The following KIAA1217 variants were observed in gnomAD, a reference collection of about 807,000 sequenced individuals.
KIAA1217 encodes the protein KIAA1217, also known as sickle tail protein homolog.
KIAA1217 carries 88 observed loss-of-function variants against 163.9 expected under a neutral mutation model. That is an observed-to-expected ratio of 0.54 (90% CI 0.45 to 0.64). The LOEUF is 0.64. Among genes scored for constraint, KIAA1217 ranks in the 30% least tolerant of loss-of-function variants. The pLI is 0.00. For missense variants in KIAA1217, 2,372 were observed against 2,475.0 expected, an observed-to-expected ratio of 0.96 and a Z score of 0.88; for synonymous variants, 903 against 923.1, an observed-to-expected ratio of 0.98 and a Z score of 0.39.
chr10:24,520,627 C>CAAAA (rs71472812), intron 11 of KIAA1217, among the ~76,000 whole-genome samples: 8 of 44,942 alleles, frequency 1.8e-4, no homozygotes, highest in Admixed American at 8.1e-4. Context: ...ACATCTCTAC[C>CAAAA]AAAAAAAAAA....
intron 1 of KIAA1217, among the ~76,000 whole-genome samples, chr10:23,988,254 G>T (rs1846067615): frequency 6.6e-6 from 1 of 152,202 alleles, no homozygotes; most frequent in Non-Finnish European, 1.5e-5. Flanking sequence ...AAGCCAGATT[G>T]TTGCTCCGCG....
chr10:23,910,816 A>G (rs7476022), intron 1 of KIAA1217, among the ~76,000 whole-genome samples: 5,096 of 152,190 alleles, frequency 0.033, 112 homozygotes, highest in Middle Eastern at 0.12. Flanking sequence ...GGGAAATCAA[A>G]CCCCAGGGTC....
chr10:24,244,265 GGGGA>G (rs2073482274), intron 2 of KIAA1217, among the ~76,000 whole-genome samples: 1 of 152,172 alleles, frequency 6.6e-6, no homozygotes. Context: ...GCTGGCTACC[GGGGA>G]GGTAGAGAGC....
chr10:24,500,131 G>C (rs1346032876), intron 8 of KIAA1217, among the ~76,000 whole-genome samples: 1 of 151,974 alleles, frequency 6.6e-6, no homozygotes, highest in East Asian at 1.9e-4. Context: ...GCTCTGTCCT[G>C]CAAGGCCAGC....
At chr10:24,309,628 C>T (rs2042452114) in intron 2 of KIAA1217, among the ~76,000 whole-genome samples, 1 of 152,158 alleles carries the variant, frequency 6.6e-6, no homozygotes, top group Non-Finnish European at 1.5e-5. Context: ...AGTCTTGAGT[C>T]CAGCTGACCT....
intron 1 of KIAA1217, among the ~76,000 whole-genome samples, chr10:23,819,137 T>C (rs1358789961): frequency 6.6e-6 from 1 of 152,246 alleles, no homozygotes; most frequent in African/African-American, 2.4e-5. Context: ...AGGGTGCTGA[T>C]GGCACCTCAT....
chr10:24,099,292 G>A (rs1343989427), intron 2 of KIAA1217, among the ~76,000 whole-genome samples: 5 of 149,522 alleles, frequency 3.3e-5, no homozygotes, highest in Admixed American at 6.7e-5. Context: ...CCATTAACTC[G>A]TCATTTACAT....
chr10:23,818,880 G>C (rs1837488212), intron 1 of KIAA1217, among the ~76,000 whole-genome samples: 1 of 152,126 alleles, frequency 6.6e-6, no homozygotes, highest in Non-Finnish European at 1.5e-5. Context: ...ATAGCCCTGA[G>C]ATTATTTTGC....
At chr10:24,146,550 G>GC (rs1283911151) in intron 2 of KIAA1217, among the ~76,000 whole-genome samples, 1 of 152,122 alleles carries the variant, frequency 6.6e-6, no homozygotes, top group Non-Finnish European at 1.5e-5. Context: ...GCCAGGTATG[G>GC]TGGAACACGC....
intron 2 of KIAA1217, among the ~76,000 whole-genome samples, chr10:24,245,725 G>A (rs1218409234): frequency 1.3e-5 from 2 of 152,048 alleles, no homozygotes; most frequent in Admixed American, 6.6e-5. Context: ...TCAACCTCCC[G>A]GGCTCAAGCA....
intron 9 of KIAA1217, among the ~76,000 whole-genome samples, chr10:24,511,234 T>G (rs1022204172): frequency 6.9e-6 from 1 of 144,186 alleles, no homozygotes; most frequent in Non-Finnish European, 1.5e-5. Context: ...GCCAGGTGCA[T>G]GGAGGGAGGG....
intron 1 of KIAA1217, among the ~76,000 whole-genome samples, chr10:23,887,515 C>T (rs11013769): frequency 0.22 from 33,016 of 151,736 alleles, 3,858 homozygotes; most frequent in Middle Eastern, 0.32. Flanking sequence ...TTCACAGTAA[C>T]ATAAGAAAAA....
chr10:23,699,264 G>A (rs1836258644), intron 1 of KIAA1217, among the ~76,000 whole-genome samples: 1 of 152,206 alleles, frequency 6.6e-6, no homozygotes, highest in Admixed American at 6.5e-5. Flanking sequence ...CTTGGACTGG[G>A]TGTTCCCCAC....
At chr10:24,438,632 G>A (rs1013674942) in intron 5 of KIAA1217, among the ~76,000 whole-genome samples, 153 bp downstream of exon 5, 3 of 152,186 alleles carry the variant, frequency 2.0e-5, no homozygotes, top group South Asian at 4.1e-4. Flanking sequence ...GTTCTTGGTA[G>A]AGAAGTAAGA....
At chr10:24,226,706 TA>T (rs1262397077) in intron 2 of KIAA1217, among the ~76,000 whole-genome samples, 1 of 152,036 alleles carries the variant, frequency 6.6e-6, no homozygotes, top group African/African-American at 2.4e-5. Context: ...GCATATTAAA[TA>T]ACCAATAACC....
intron 2 of KIAA1217, among the ~76,000 whole-genome samples, chr10:24,059,324 G>A (rs1419893006): frequency 6.6e-6 from 1 of 151,908 alleles, no homozygotes; most frequent in African/African-American, 2.4e-5. Context: ...TCAATAATAT[G>A]GGCCCGCAAT....
At chr10:23,928,918 A>G (rs1333100767) in intron 1 of KIAA1217, among the ~76,000 whole-genome samples, 5 of 152,184 alleles carry the variant, frequency 3.3e-5, no homozygotes, top group Non-Finnish European at 5.9e-5. Flanking sequence ...TGAGGAGATG[A>G]CCTATAAGTT....
At chr10:24,372,940 A>G (rs12244966) in intron 2 of KIAA1217, among the ~76,000 whole-genome samples, 24,641 of 152,172 alleles carry the variant, frequency 0.16, 2,296 homozygotes, top group South Asian at 0.31. Context: ...AAATCAAACC[A>G]ATCTATCCTG....
intron 2 of KIAA1217, among the ~76,000 whole-genome samples, chr10:24,127,376 A>G (rs1399291584): frequency 1.3e-5 from 2 of 152,154 alleles, no homozygotes; most frequent in Non-Finnish European, 2.9e-5. Flanking sequence ...TTGCAGAGAA[A>G]CAGAGTATTT....
Sources: allele counts gnomAD v4.1 joint callset (sites outside exome capture counted in the v4.1 genomes callset), GRCh38; gene constraint gnomAD v4.1.1; transcripts MANE v1.5; gene names NCBI Gene and HGNC (gene_info 2026-07-23, HGNC 2026-07-21).